Variants in BAZ2B observed in about 807,000 individuals in gnomAD.
BAZ2B encodes bromodomain adjacent to zinc finger domain 2B.
In BAZ2B, 91 loss-of-function variants were observed where a neutral mutation model predicts 246.0. That is an observed-to-expected ratio of 0.37 (90% confidence interval 0.31 to 0.44). BAZ2B has a LOEUF of 0.44. BAZ2B is among the 20% of genes least tolerant of loss of function. The pLI is 1.00. For synonymous variants in BAZ2B, 855 were observed against 860.0 expected (o/e 0.99, Z 0.10); for missense variants, 2,332 against 2,533.7 (o/e 0.92, Z 1.71).
At chr2:159,597,132 T>C (rs769420979) in intron 1 of BAZ2B, among the ~76,000 whole-genome samples, 38 of 152,110 alleles carry the variant, frequency 2.5e-4, no homozygotes, top group Admixed American at 1.2e-3. Flanking sequence ...TTGATTTGCA[T>C]TTCCCTGATC....
Position 159,499,779 on chromosome 2 carries a change from T to C in BAZ2B, c.-2-21058A>G, listed in dbSNP as rs111532770. Among the ~76,000 whole-genome samples the C allele has an allele frequency of 8.3e-3, 1,269 of 152,374 alleles. 14 individuals carry two copies. The highest frequency in any genetic ancestry group is 0.029 in the African/African-American group (1,209 of 41,590). On this transcript the variant is annotated intron_variant, in intron 2 of 36. Transcript: ENST00000392783. ...GCATTTCTCTAATGATCAGTGATGT[T>C]GAGCTTTTTTTCATATGTTTGTTGG...
At chr2:159,687,297 A>G in the BAZ2B span, among the ~76,000 whole-genome samples, 69,459 of 151,924 alleles carry the variant, frequency 0.46, 16,736 homozygotes, top group Middle Eastern at 0.64. Flanking sequence ...ACCTGAATTT[A>G]TGCTACTAAG....
chr2:159,499,797 T>C (rs771637927), intron 2 of BAZ2B, among the ~76,000 whole-genome samples: 1 of 152,212 alleles, frequency 6.6e-6, no homozygotes, highest in Non-Finnish European at 1.5e-5. Flanking sequence ...TTTTCATATG[T>C]TTGTTGGCCA....
At chr2:159,655,998 G>A in the BAZ2B span, among the ~76,000 whole-genome samples, 1 of 151,962 alleles carries the variant, frequency 6.6e-6, no homozygotes, top group East Asian at 1.9e-4. Flanking sequence ...TATTTCCAGA[G>A]CATGTCTCAT....
At chr2:159,392,994 A>G (rs914577841) in intron 20 of BAZ2B, among the ~76,000 whole-genome samples, 5 of 137,676 alleles carry the variant, frequency 3.6e-5, no homozygotes, top group African/African-American at 8.6e-5. Flanking sequence ...AAAATTATCT[A>G]AAGGCTTTTT....
chr2:159,511,877 T>C (rs1439905603), intron 2 of BAZ2B, among the ~76,000 whole-genome samples: 1 of 152,092 alleles, frequency 6.6e-6, no homozygotes, highest in Non-Finnish European at 1.5e-5. Flanking sequence ...ACAGTGACCA[T>C]AAAATAAGTT....
the BAZ2B span, among the ~76,000 whole-genome samples, chr2:159,690,953 G>T: frequency 6.6e-6 from 1 of 151,920 alleles, no homozygotes; most frequent in Non-Finnish European, 1.5e-5. Context: ...TCCTTGCCTT[G>T]CTCCTGATGG....
At chr2:159,671,742 G>A in the BAZ2B span, among the ~76,000 whole-genome samples, 1 of 152,120 alleles carries the variant, frequency 6.6e-6, no homozygotes, top group East Asian at 1.9e-4. Context: ...CACTAGAGAT[G>A]CTTAAGCTAA....
At chr2:159,704,482 C>CTT in the BAZ2B span, among the ~76,000 whole-genome samples, 457 of 117,002 alleles carry the variant, frequency 3.9e-3, 1 homozygote, top group East Asian at 5.5e-3. Flanking sequence ...CTTTCTTTTT[C>CTT]TTTTTTTTTT....
intron 2 of BAZ2B, among the ~76,000 whole-genome samples, chr2:159,509,521 T>C (rs2082687931): frequency 6.6e-6 from 1 of 152,190 alleles, no homozygotes; most frequent in African/African-American, 2.4e-5. Flanking sequence ...AAATACCCTG[T>C]ATGTGCTGAA....
chr2:159,360,682 A>G (rs375639755), intron 27 of BAZ2B, among the ~76,000 whole-genome samples: 8 of 152,182 alleles, frequency 5.3e-5, no homozygotes, highest in African/African-American at 1.7e-4. Context: ...GAGGCATCAC[A>G]CTACCTGACT....
At chr2:159,328,004 G>A (rs570069540) in intron 34 of BAZ2B, among the ~76,000 whole-genome samples, 3 of 148,420 alleles carry the variant, frequency 2.0e-5, no homozygotes, top group Admixed American at 6.7e-5. Context: ...GGTGGAGGTT[G>A]CAGTGAGCTG....
chr2:159,484,380 C>T (rs1443884119), intron 2 of BAZ2B, among the ~76,000 whole-genome samples: 1 of 152,142 alleles, frequency 6.6e-6, no homozygotes, highest in Non-Finnish European at 1.5e-5. Context: ...TTCTAAGAGT[C>T]TAATATTTCA....
In BAZ2B at chr2:159,318,991, A is replaced by G. The variant is rs1318386153; in HGVS notation, c.*1274T>C. The G allele has an allele frequency of 6.6e-6, 1 of 152,654 alleles. No homozygotes were observed. Among genetic ancestry groups the G allele is most frequent in the African/African-American group, 2.4e-5 (1 of 41,466 alleles). 9.5% of individuals were successfully genotyped at this position (152,654 alleles called of 1,614,324 possible). On this transcript the variant is annotated 3_prime_UTR_variant, in exon 37 of 37. Coordinates refer to ENST00000392783, the MANE Select transcript of BAZ2B (RefSeq NM_013450.4). The stretch of plus-strand genomic sequence containing the variant: ...AAAAACTAAAAAATTAGTTTGTAAA[A>G]GTCTTTTATTGTATCCGTGCCACAC...
intron 1 of BAZ2B, among the ~76,000 whole-genome samples, chr2:159,578,805 A>C (rs1205849057): frequency 6.6e-6 from 1 of 152,180 alleles, no homozygotes. Context: ...GAAACCGAAC[A>C]ACCTGCTCCT....
chr2:159,515,159 T>TACAGTTTAAAAATTAAACATCTTACTAC (rs1553690174), intron 2 of BAZ2B, among the ~76,000 whole-genome samples: 2 of 151,988 alleles, frequency 1.3e-5, no homozygotes, highest in Non-Finnish European at 2.9e-5. Flanking sequence ...TACCTAATAC[T>TACAGTTTAAAAATTAAACATCTTACTAC]ACAGTTTAAA....
intron 31 of BAZ2B, 150 bp downstream of exon 31, chr2:159,347,336 G>A (rs1031065497): frequency 2.1e-6 from 2 of 944,436 alleles, no homozygotes; most frequent in East Asian, 2.7e-5. Flanking sequence ...TTCCTTAACA[G>A]ATGGGGCAAA....
chr2:159,410,438 T>C (rs914286442), intron 14 of BAZ2B, among the ~76,000 whole-genome samples: 4 of 152,158 alleles, frequency 2.6e-5, no homozygotes, highest in South Asian at 2.1e-4. Flanking sequence ...GTTCTCATGA[T>C]AGTAAGTGAG....
intron 27 of BAZ2B, among the ~76,000 whole-genome samples, chr2:159,353,570 A>G (rs1025478759): frequency 2.6e-5 from 4 of 152,174 alleles, no homozygotes; most frequent in Non-Finnish European, 5.9e-5. Context: ...TGCACAGAGA[A>G]CTCCAGTGAT....
Sources: allele counts gnomAD v4.1 joint callset (sites outside exome capture counted in the v4.1 genomes callset), GRCh38; gene constraint gnomAD v4.1.1; transcripts MANE v1.5; gene names NCBI Gene and HGNC (gene_info 2026-07-23, HGNC 2026-07-21).